KCNB2: variants seen among roughly 807,000 people sequenced by gnomAD.
KCNB2 encodes delayed rectifier potassium channel protein.
KCNB2 carries 15 observed loss-of-function variants against 61.5 expected under a neutral mutation model. The ratio of observed to expected loss-of-function variants is 0.24; its 90% CI spans 0.16 to 0.38. The LOEUF (loss-of-function observed/expected upper bound fraction) is 0.38. Ranked by LOEUF, KCNB2 falls within the 10% of genes least tolerant of loss-of-function variation. KCNB2 has a pLI of 1.00. For missense variants in KCNB2, 828 were observed against 1,125.2 expected (o/e 0.74, Z 3.78); for synonymous variants, 457 against 446.0 (o/e 1.02, Z -0.31).
At chr8:72,693,383 C>A (rs146647836) in intron 2 of KCNB2, among the ~76,000 whole-genome samples, 134 of 152,248 alleles carry the variant, frequency 8.8e-4, no homozygotes, top group African/African-American at 3.1e-3. Flanking sequence ...TGTGTCTGAG[C>A]GTATACCTGC....
intron 1 of KCNB2, among the ~76,000 whole-genome samples, chr8:72,560,531 C>T (rs1382370761): frequency 5.3e-5 from 8 of 152,088 alleles, no homozygotes. Context: ...TTTTCATCAC[C>T]TTTCATCTTT....
intron 2 of KCNB2, among the ~76,000 whole-genome samples, chr8:72,614,028 C>T (rs1048089872): frequency 6.6e-6 from 1 of 152,150 alleles, no homozygotes; most frequent in Non-Finnish European, 1.5e-5. Context: ...GTGGATTCTC[C>T]TGTAGAAATG....
intron 2 of KCNB2, among the ~76,000 whole-genome samples, chr8:72,723,231 A>C (rs371674970): frequency 6.6e-6 from 1 of 152,332 alleles, no homozygotes; most frequent in Middle Eastern, 3.4e-3. Context: ...CTCACCCTCC[A>C]TGCCTCACTT....
intron 2 of KCNB2, among the ~76,000 whole-genome samples, chr8:72,920,000 A>G (rs1407669789): frequency 6.6e-6 from 1 of 152,156 alleles, no homozygotes; most frequent in Non-Finnish European, 1.5e-5. Flanking sequence ...TGAAGAGTAG[A>G]TGCCTCGTAG....
intron 2 of KCNB2, among the ~76,000 whole-genome samples, chr8:72,812,485 C>A (rs1809323477): frequency 6.6e-6 from 1 of 151,864 alleles, no homozygotes; most frequent in African/African-American, 2.4e-5. Flanking sequence ...AATTTTGATG[C>A]CAGTTTTTGA....
chr8:72,889,214 G>T (rs1469471552), intron 2 of KCNB2, among the ~76,000 whole-genome samples: 1 of 152,136 alleles, frequency 6.6e-6, no homozygotes, highest in East Asian at 1.9e-4. Flanking sequence ...ACTATTCCCA[G>T]CATCACTGGA....
intron 2 of KCNB2, among the ~76,000 whole-genome samples, chr8:72,872,014 G>A (rs1034100732): frequency 6.6e-6 from 1 of 152,100 alleles, no homozygotes; most frequent in African/African-American, 2.4e-5. Flanking sequence ...CTCACTGATG[G>A]GACCAGTTCT....
intron 1 of KCNB2, among the ~76,000 whole-genome samples, chr8:72,540,632 C>T (rs1418007015): frequency 6.6e-6 from 1 of 151,976 alleles, no homozygotes; most frequent in East Asian, 1.9e-4. Context: ...ATCTTTATAG[C>T]CTAGATCTGT....
Position 72,821,655 on chromosome 8 carries a change from A to C in KCNB2, c.580-114280A>C, listed in dbSNP as rs1364340397. ...ACAAAAAAAAACAAAAAAAAAAAAA[A>C]AAAAACACACACACACCAAGCCCCC... On this transcript the variant is annotated intron_variant, in intron 2 of 2. Coordinates refer to ENST00000523207, the MANE Select transcript of KCNB2 (RefSeq NM_004770.3). Among the ~76,000 whole-genome samples the C allele has an allele frequency of 3.1e-3, 471 of 150,690 alleles. 2 individuals carry two copies. The highest frequency in any genetic ancestry group is 0.011 in the African/African-American group (443 of 41,104).
At chr8:72,696,298 A>G (rs555268598) in intron 2 of KCNB2, among the ~76,000 whole-genome samples, 6 of 152,294 alleles carry the variant, frequency 3.9e-5, no homozygotes, top group Admixed American at 2.0e-4. Flanking sequence ...AGGAGGATGC[A>G]TGTGCTGAGT....
At chr8:72,806,673 A>C (rs1207973601) in intron 2 of KCNB2, among the ~76,000 whole-genome samples, 1 of 152,212 alleles carries the variant, frequency 6.6e-6, no homozygotes, top group Non-Finnish European at 1.5e-5. Flanking sequence ...TCCTTAATAG[A>C]AAACTGTAAG....
intron 1 of KCNB2, among the ~76,000 whole-genome samples, chr8:72,565,355 A>G (rs1806608217): frequency 6.6e-6 from 1 of 152,160 alleles, no homozygotes; most frequent in African/African-American, 2.4e-5. Context: ...GCATGCAGAA[A>G]TTGGTGTGTA....
At chr8:72,668,675 A>T (rs948433117) in intron 2 of KCNB2, among the ~76,000 whole-genome samples, 9 of 152,184 alleles carry the variant, frequency 5.9e-5, no homozygotes, top group Non-Finnish European at 1.3e-4. Flanking sequence ...TGACATAAGT[A>T]GGTCCATTCC....
intron 2 of KCNB2, among the ~76,000 whole-genome samples, chr8:72,811,515 T>C (rs978963547): frequency 2.0e-5 from 3 of 152,248 alleles, no homozygotes; most frequent in Non-Finnish European, 1.5e-5. Flanking sequence ...TTTCTTCGAT[T>C]ATGTCTTCTA....
intron 2 of KCNB2, among the ~76,000 whole-genome samples, chr8:72,685,643 G>A (rs573953226): frequency 6.6e-6 from 1 of 152,152 alleles, no homozygotes; most frequent in African/African-American, 2.4e-5. Flanking sequence ...CTGAAGATGA[G>A]TGGCAGAGCG....
At chr8:72,871,321 A>C (rs1006820971) in intron 2 of KCNB2, among the ~76,000 whole-genome samples, 1 of 152,248 alleles carries the variant, frequency 6.6e-6, no homozygotes, top group African/African-American at 2.4e-5. Flanking sequence ...TGAATGAATT[A>C]ACAAATGAAT....
chr8:72,911,011 T>C (rs1385690938), intron 2 of KCNB2, among the ~76,000 whole-genome samples: 1 of 152,188 alleles, frequency 6.6e-6, no homozygotes, highest in Non-Finnish European at 1.5e-5. Context: ...ACTTCTTGAA[T>C]ACACCATCCA....
chr8:72,644,138 T>G (rs1030652618), intron 2 of KCNB2, among the ~76,000 whole-genome samples: 4 of 152,136 alleles, frequency 2.6e-5, no homozygotes, highest in Non-Finnish European at 5.9e-5. Context: ...GTGCTGTATA[T>G]GAACCAATTG....
intron 2 of KCNB2, among the ~76,000 whole-genome samples, chr8:72,623,820 G>A (rs1446699133): frequency 6.6e-6 from 1 of 152,106 alleles, no homozygotes; most frequent in African/African-American, 2.4e-5. Context: ...AAGAAGTTAG[G>A]TGCCCCAAAT....
Sources: gnomAD v4.1 joint callset for allele counts (sites outside exome capture counted in the v4.1 genomes callset) on GRCh38, gnomAD v4.1.1 for gene constraint, MANE v1.5 for transcripts, NCBI Gene and HGNC (gene_info 2026-07-23, HGNC 2026-07-21) for gene names.